Variants in TENM2 observed in about 807,000 individuals in gnomAD.
TENM2 encodes teneurin transmembrane protein 2, also known as teneurin-2.
In TENM2, 52 loss-of-function variants were observed where a neutral mutation model predicts 245.2. The ratio of observed to expected loss-of-function variants is 0.21; its 90% CI spans 0.17 to 0.27. The LOEUF (loss-of-function observed/expected upper bound fraction) is 0.27, where lower values mean the gene tolerates loss of function less well. Among genes scored for constraint, TENM2 ranks in the 10% least tolerant of loss-of-function variants. The pLI is 1.00. For missense variants in TENM2, 3,046 were observed against 3,666.8 expected, an observed-to-expected ratio of 0.83 and a Z score of 4.37; for synonymous variants, 1,363 against 1,438.9, an observed-to-expected ratio of 0.95 and a Z score of 1.19.
the TENM2 span, among the ~76,000 whole-genome samples, chr5:167,233,263 T>G: frequency 6.6e-6 from 1 of 152,248 alleles, no homozygotes; most frequent in Non-Finnish European, 1.5e-5. Flanking sequence ...TGGCTGCTTA[T>G]GCATATGTAC....
the TENM2 span, among the ~76,000 whole-genome samples, chr5:167,011,266 A>G: frequency 4.6e-5 from 7 of 152,220 alleles, no homozygotes; most frequent in Admixed American, 1.3e-4. Context: ...GGTAAAATCC[A>G]TAAACGTCTA....
At chr5:167,285,906 A>C (rs1771317438) in intron 1 of TENM2, among the ~76,000 whole-genome samples, 1 of 152,366 alleles carries the variant, frequency 6.6e-6, no homozygotes, top group African/African-American at 2.4e-5. Flanking sequence ...CATTTGTTTT[A>C]TAACACTGAT....
At chr5:167,194,081 C>G in the TENM2 span, among the ~76,000 whole-genome samples, 1 of 151,894 alleles carries the variant, frequency 6.6e-6, no homozygotes, top group African/African-American at 2.4e-5. Flanking sequence ...GGGTGTCTCA[C>G]TGCTATTGTG....
chr5:167,122,472 C>T, the TENM2 span, among the ~76,000 whole-genome samples: 1 of 152,142 alleles, frequency 6.6e-6, no homozygotes, highest in Non-Finnish European at 1.5e-5. Flanking sequence ...GGCTGACTTA[C>T]CTGTTCTGTG....
intron 2 of TENM2, among the ~76,000 whole-genome samples, chr5:167,503,716 G>A (rs1012263780): frequency 5.3e-5 from 8 of 151,980 alleles, no homozygotes; most frequent in Non-Finnish European, 1.2e-4. Flanking sequence ...TAACACGGCA[G>A]AAACCCATTT....
rs747673924 is a variant in TENM2, at chr5:168,244,136, C to T, written c.5521-284C>T. ...ATTTTTAGTACAGACGGGGTTTCAC[C>T]ATGTTGGCCAGGCTGGTCTTGAACT... On this transcript the variant is annotated intron_variant, in intron 25 of 28. Coordinates refer to ENST00000518659, the Ensembl canonical transcript of TENM2. The surrounding 1 kb of genome is among the most constrained non-coding windows in gnomAD (Gnocchi z 4.9). 2.6e-4 allele frequency among the ~76,000 whole-genome samples: 40 copies of T among 152,038 alleles called. No homozygotes were observed. Among genetic ancestry groups the T allele is most frequent in the Middle Eastern group, 3.2e-3 (1 of 316 alleles).
chr5:167,726,181 C>A (rs1759991730), intron 2 of TENM2, among the ~76,000 whole-genome samples: 1 of 151,972 alleles, frequency 6.6e-6, no homozygotes, highest in Admixed American at 6.5e-5. Flanking sequence ...TAAAAGGTGC[C>A]TTTAAATCAA....
chr5:167,664,224 G>T (rs895601481), intron 2 of TENM2, among the ~76,000 whole-genome samples: 2 of 152,178 alleles, frequency 1.3e-5, no homozygotes, highest in African/African-American at 4.8e-5. Context: ...CCTGAAATAT[G>T]CTGGTTATGT....
intron 2 of TENM2, among the ~76,000 whole-genome samples, chr5:167,874,853 C>T (rs1411557223): frequency 6.6e-6 from 1 of 152,156 alleles, no homozygotes; most frequent in African/African-American, 2.4e-5. Context: ...ACTGGCTGCT[C>T]CTCCTCAAGG....
intron 7 of TENM2, among the ~76,000 whole-genome samples, chr5:168,080,271 G>A (rs1791869001): frequency 6.6e-6 from 1 of 152,216 alleles, no homozygotes; most frequent in East Asian, 1.9e-4. Flanking sequence ...GGGATCGATG[G>A]TGATATCCCC....
At chr5:167,044,706 C>T in the TENM2 span, among the ~76,000 whole-genome samples, 5 of 152,094 alleles carry the variant, frequency 3.3e-5, no homozygotes, top group Non-Finnish European at 5.9e-5. Context: ...CTCATATTTC[C>T]GAGGACAAGA....
At chr5:168,066,032 C>T (rs568924093) in intron 7 of TENM2, among the ~76,000 whole-genome samples, 1 of 152,284 alleles carries the variant, frequency 6.6e-6, no homozygotes, top group South Asian at 2.1e-4. Context: ...TGCTGCTAAA[C>T]ACCCTGCAGT....
chr5:166,988,187 A>C, the TENM2 span, among the ~76,000 whole-genome samples: 1 of 152,192 alleles, frequency 6.6e-6, no homozygotes, highest in African/African-American at 2.4e-5. Context: ...ATTAGAGCTC[A>C]TTTTGACTGT....
At chr5:167,157,121 C>G in the TENM2 span, among the ~76,000 whole-genome samples, 1 of 152,176 alleles carries the variant, frequency 6.6e-6, no homozygotes, top group Non-Finnish European at 1.5e-5. Flanking sequence ...ATTTGGCAAT[C>G]TGTTACAGTA....
At chr5:167,660,464 C>CAAAAAAAAAAAA (rs749846307) in intron 2 of TENM2, 7 of 33,168 alleles carry the variant, frequency 2.1e-4, no homozygotes, top group African/African-American at 4.3e-4. Flanking sequence ...GGCTGTGTCT[C>CAAAAAAAAAAAA]AAAAAAAAAA....
chr5:167,878,199 C>T (rs1289718753), intron 3 of TENM2, among the ~76,000 whole-genome samples: 6 of 152,130 alleles, frequency 3.9e-5, no homozygotes, highest in African/African-American at 1.4e-4. Context: ...TTTATGTCAG[C>T]TTTATGCCTA....
the TENM2 span, among the ~76,000 whole-genome samples, chr5:167,195,811 G>C: frequency 6.6e-6 from 1 of 151,096 alleles, no homozygotes; most frequent in Non-Finnish European, 1.5e-5. Flanking sequence ...ATTTCATAAG[G>C]GCTATTTATG....
the TENM2 span, among the ~76,000 whole-genome samples, chr5:166,997,199 C>G: frequency 6.6e-6 from 1 of 152,148 alleles, no homozygotes; most frequent in Non-Finnish European, 1.5e-5. Flanking sequence ...TATTAAGAAG[C>G]AGTCACAAAA....
chr5:167,969,089 A>G (rs968858183), intron 4 of TENM2, among the ~76,000 whole-genome samples: 1 of 152,168 alleles, frequency 6.6e-6, no homozygotes, highest in Non-Finnish European at 1.5e-5. Context: ...TGTGCCCAGT[A>G]GGATACTAGG....
Sources: allele counts gnomAD v4.1 joint callset (sites outside exome capture counted in the v4.1 genomes callset), GRCh38; gene constraint gnomAD v4.1.1; non-coding constraint Gnocchi (gnomAD v3.1); transcripts MANE v1.5; gene names NCBI Gene and HGNC (gene_info 2026-07-23, HGNC 2026-07-21).